The following ATP1B3 variants were observed in gnomAD, a reference collection of about 807,000 sequenced individuals.
ATP1B3 encodes the protein sodium/potassium-transporting ATPase subunit beta-3.
A neutral mutation model predicts 30.2 loss-of-function variants in ATP1B3; 10 were observed. The observed-to-expected ratio is 0.33, with a 90% CI of 0.20 to 0.56. The LOEUF is 0.56. ATP1B3 is among the 20% of genes least tolerant of loss of function. ATP1B3 has a pLI of 0.90. For synonymous variants in ATP1B3, 113 were observed against 117.0 expected (o/e 0.97, Z 0.22); for missense variants, 238 against 336.7 (o/e 0.71, Z 2.29).
chr3:141,900,042 T>A (rs539032803), intron 1 of ATP1B3, among the ~76,000 whole-genome samples: 1 of 151,368 alleles, frequency 6.6e-6, no homozygotes, highest in South Asian at 2.1e-4. Context: ...AAAAAAAAAT[T>A]TTTTTTTTGT....
At chr3:141,893,064 C>T (rs1027673835) in intron 1 of ATP1B3, among the ~76,000 whole-genome samples, 3 of 151,994 alleles carry the variant, frequency 2.0e-5, no homozygotes, top group Admixed American at 1.3e-4. Context: ...GCAGTGGTGC[C>T]GTTGGTTCAC....
intron 1 of ATP1B3, among the ~76,000 whole-genome samples, chr3:141,882,553 C>T (rs1022465954): frequency 6.6e-6 from 1 of 152,080 alleles, no homozygotes; most frequent in African/African-American, 2.4e-5. Context: ...TGTTGGGACT[C>T]CCAAAGCTGC....
chr3:141,915,900 G>C, intron 4 of ATP1B3, 70 bp from the exon 5 acceptor site: 2 of 1,273,206 alleles, frequency 1.6e-6, no homozygotes, highest in South Asian at 2.8e-5. Flanking sequence ...CTTGTTCCCA[G>C]CAACAGAGGG....
chr3:141,906,236 A>G (rs145716777), intron 2 of ATP1B3, among the ~76,000 whole-genome samples: 8,187 of 151,824 alleles, frequency 0.054, 285 homozygotes, highest in Middle Eastern at 0.14. Context: ...CTGGAGTGCA[A>G]TGGCACGATC....
chr3:141,895,114 G>GT (rs1035374875), intron 1 of ATP1B3, among the ~76,000 whole-genome samples: 1 of 149,738 alleles, frequency 6.7e-6, no homozygotes, highest in Non-Finnish European at 1.5e-5. Context: ...CATGCTTTAT[G>GT]TTTTTTTTGG....
chr3:141,922,736 C>T (rs571745081), intron 6 of ATP1B3, among the ~76,000 whole-genome samples: 3 of 152,070 alleles, frequency 2.0e-5, no homozygotes, highest in Non-Finnish European at 4.4e-5. Context: ...GAGGCCGAGT[C>T]GGGCAGATCA....
At position 141,898,837 on chromosome 3, in the gene ATP1B3, A is replaced by G. The variant is rs150809588; in HGVS notation, c.110-4783A>G. ...CAAAAGATATAAACAACTCACATGC[A>G]CATCATCTGATTAATGAATCAATAA... On this transcript the variant is annotated intron_variant, in intron 1 of 6. Transcript: ENST00000286371. Among the ~76,000 whole-genome samples, 130 of 152,390 alleles carry G rather than the reference A, an allele frequency of 8.5e-4. 1 individual carries two copies. Among genetic ancestry groups the G allele is most frequent in the African/African-American group, 3.0e-3 (123 of 41,598 alleles).
chr3:141,914,921 G>T (rs1934428409), intron 4 of ATP1B3, among the ~76,000 whole-genome samples: 1 of 152,164 alleles, frequency 6.6e-6, no homozygotes, highest in Non-Finnish European at 1.5e-5. Context: ...ATGATTAGTG[G>T]AATGTTTCAA....
intron 1 of ATP1B3, among the ~76,000 whole-genome samples, chr3:141,879,777 T>TCAAAAAAAAAAAC (rs1553743170): frequency 1.4e-4 from 8 of 58,840 alleles, no homozygotes; most frequent in Admixed American, 1.8e-4. Context: ...AGTCTCCATC[T>TCAAAAAAAAAAAC]CAAAAAAAAA....
At chr3:141,908,258 C>G (rs1016662137) in intron 3 of ATP1B3, among the ~76,000 whole-genome samples, 1 of 151,980 alleles carries the variant, frequency 6.6e-6, no homozygotes, top group South Asian at 2.1e-4. Context: ...TGATAGCCAT[C>G]CTAGCCCAGT....
intron 1 of ATP1B3, among the ~76,000 whole-genome samples, chr3:141,896,770 G>C (rs183923168): frequency 2.0e-5 from 3 of 151,964 alleles, no homozygotes; most frequent in African/African-American, 2.4e-5. Flanking sequence ...ACCTTCTACT[G>C]TTTTAATTAT....
At chr3:141,918,573 G>A (rs1459839456) in intron 5 of ATP1B3, among the ~76,000 whole-genome samples, 1 of 151,924 alleles carries the variant, frequency 6.6e-6, no homozygotes, top group African/African-American at 2.4e-5. Flanking sequence ...CAAGTAGCTG[G>A]GACTACAGGC....
chr3:141,895,852 T>A (rs1398599935), intron 1 of ATP1B3, among the ~76,000 whole-genome samples: 1 of 151,944 alleles, frequency 6.6e-6, no homozygotes, highest in Non-Finnish European at 1.5e-5. Flanking sequence ...GATGTGAGAG[T>A]TTCAGTTGCT....
chr3:141,921,933 T>A (rs371916875), intron 5 of ATP1B3, 44 bp from the exon 6 acceptor site: 1 of 1,128,964 alleles, frequency 8.9e-7, no homozygotes, highest in African/African-American at 1.6e-5. Context: ...TTTTACAAAT[T>A]CTTTTTGTGA....
intron 4 of ATP1B3, among the ~76,000 whole-genome samples, chr3:141,915,148 T>C (rs114111858): frequency 6.6e-6 from 1 of 152,224 alleles, no homozygotes; most frequent in Admixed American, 6.5e-5. Context: ...GTTTGTTTTC[T>C]TTCTCAAGAT....
At chr3:141,916,340 A>C in intron 5 of ATP1B3, 1 of 475,012 alleles carries the variant, frequency 2.1e-6, no homozygotes, top group South Asian at 1.5e-5. Flanking sequence ...ATGGTGTCTT[A>C]ATACTGTATC....
intron 6 of ATP1B3, among the ~76,000 whole-genome samples, chr3:141,924,822 G>A (rs550802755): frequency 5.9e-5 from 9 of 152,040 alleles, no homozygotes; most frequent in East Asian, 5.8e-4. Context: ...GCGTGGTAGC[G>A]GGTGCCTGTA....
At chr3:141,916,265 A>G (rs555969340) in intron 5 of ATP1B3, 48 of 515,378 alleles carry the variant, frequency 9.3e-5, no homozygotes, top group Non-Finnish European at 1.7e-4. Flanking sequence ...TATTTCATCA[A>G]TTCTAAGATT....
At chr3:141,876,947 C>T (rs747010351) in intron 1 of ATP1B3, 37 bp downstream of exon 1, 1 of 1,507,996 alleles carries the variant, frequency 6.6e-7, no homozygotes, top group Non-Finnish European at 8.9e-7. Flanking sequence ...GGGCCGGCCT[C>T]GGTCCCGGGG....
Sources: gnomAD v4.1 joint callset for allele counts (sites outside exome capture counted in the v4.1 genomes callset) on GRCh38, gnomAD v4.1.1 for gene constraint, MANE v1.5 for transcripts, NCBI Gene and HGNC (gene_info 2026-07-23, HGNC 2026-07-21) for gene names.